The following TRPM5 variants were observed in gnomAD, a reference collection of about 807,000 sequenced individuals.
TRPM5 encodes transient receptor potential cation channel subfamily M member 5.
In TRPM5, 121 loss-of-function variants were observed where a neutral mutation model predicts 124.9. The ratio of observed to expected loss-of-function variants is 0.97; its 90% CI spans 0.84 to 1.13. TRPM5 has a LOEUF of 1.13. TRPM5 is among the 50% of genes most tolerant of loss of function. The pLI, the probability that TRPM5 is intolerant of heterozygous loss-of-function variation, is 0.00. For missense variants in TRPM5, 1,643 were observed against 1,589.1 expected (o/e 1.03, Z -0.58); for synonymous variants, 781 against 700.5 (o/e 1.11, Z -1.81).
chr11:2,434,511 A>G, the TRPM5 span, among the ~76,000 whole-genome samples: 3 of 138,842 alleles, frequency 2.2e-5, no homozygotes, highest in South Asian at 6.9e-4. Context: ...GTGTGTGTGG[A>G]TGCTGTGTCT....
At chr11:2,442,212 C>T in the TRPM5 span, among the ~76,000 whole-genome samples, 1 of 152,120 alleles carries the variant, frequency 6.6e-6, no homozygotes, top group South Asian at 2.1e-4. This position sits in a 1 kb window ranked among gnomAD's most constrained non-coding sequence, Gnocchi z 5.9. Context: ...TGACAATGAA[C>T]AATAGTAGGA....
intron 11 of TRPM5, 119 bp from the exon 17 acceptor site, chr11:2,414,325 G>A (rs992864731): frequency 9.4e-6 from 13 of 1,387,544 alleles, no homozygotes; most frequent in Admixed American, 4.7e-5. Context: ...CGTTCAACAC[G>A]CAGGGCCCAG....
chr11:2,409,872 GGC>G (rs1850409401), intron 18 of TRPM5, among the ~76,000 whole-genome samples: 1 of 152,198 alleles, frequency 6.6e-6, no homozygotes, highest in South Asian at 2.1e-4. Context: ...TCGGAGCAGG[GGC>G]CCCTCGGGAG....
At chr11:2,418,459 G>A in intron 5 of TRPM5, 68 bp downstream of exon 10, 1 of 1,558,534 alleles carries the variant, frequency 6.4e-7, no homozygotes, top group Non-Finnish European at 8.7e-7. Flanking sequence ...TGTCCCAGGG[G>A]TGCCCAGAAC....
At chr11:2,439,991 T>C in the TRPM5 span, among the ~76,000 whole-genome samples, 1 of 152,210 alleles carries the variant, frequency 6.6e-6, no homozygotes, top group African/African-American at 2.4e-5. Context: ...TGGAATACTA[T>C]GCAGCCATGA....
In TRPM5 at chr11:2,405,540, AC is replaced by A; in HGVS notation, c.3377del (p.Gly1126ValfsTer25). The A allele has an allele frequency of 1.3e-6, 2 of 1,562,030 alleles. No homozygotes were observed. The highest frequency in any genetic ancestry group is 1.7e-6 in the Non-Finnish European group (2 of 1,153,158). On this transcript the variant is annotated frameshift_variant, in exon 23 of 24. Transcript: ENST00000155858. LOFTEE classifies it low-confidence loss of function (END_TRUNC). ...AAACAGGCTTACTCCGGGGGCCGCC[AC>A]CCTGGGCCAGCACGTCAGCCACGGA...
chr11:2,426,825 T>G (rs951018292), upstream of TRPM5, among the ~76,000 whole-genome samples: 1 of 152,172 alleles, frequency 6.6e-6, no homozygotes, highest in African/African-American at 2.4e-5. Flanking sequence ...AAGTCAGCTG[T>G]GTGTCCTTGT....
At position 2,414,891 on chromosome 11, in the gene TRPM5, C is replaced by G. The variant is rs777593744; in HGVS notation, c.1620+16G>C. On this transcript the variant is annotated intron_variant, in intron 10 of 23. Coordinates refer to ENST00000155858, the Ensembl canonical transcript of TRPM5. ...CCCTCCCCTGCCCCCGCGCTGGGCC[C>G]GCGGCCTGGGCTCACCATGGCCCAG... 3.8e-6 allele frequency: 6 copies of G among 1,598,258 alleles called. No homozygotes were observed. The highest frequency in any genetic ancestry group is 1.3e-5 in the African/African-American group (1 of 74,618).
At chr11:2,420,855 C>T (rs1014804260) in intron 3 of TRPM5, among the ~76,000 whole-genome samples, 177 bp downstream of exon 8, 1 of 152,200 alleles carries the variant, frequency 6.6e-6, no homozygotes, top group South Asian at 2.1e-4. Context: ...CCACAGTCTA[C>T]GCTGGCCGTT....
intron 8 of TRPM5, 80 bp from the exon 14 acceptor site, chr11:2,415,551 G>C (rs1015869306): frequency 4.3e-5 from 43 of 994,332 alleles, no homozygotes; most frequent in Admixed American, 1.1e-4. Flanking sequence ...AGGAAGGAGA[G>C]AGCAGGGAGC....
the TRPM5 span, among the ~76,000 whole-genome samples, chr11:2,430,743 GTGT>G: frequency 2.8e-3 from 314 of 112,612 alleles, 3 homozygotes; most frequent in Middle Eastern, 0.011. Context: ...GATGGTGATG[GTGT>G]TGGTGGTGGT....
exon 20 of TRPM5, chr11:2,407,259 C>A: frequency 6.2e-7 from 1 of 1,612,240 alleles, no homozygotes; most frequent in Admixed American, 1.7e-5. Context: ...CTGGAACTTC[C>A]AGAACATGTC....
In TRPM5 at chr11:2,409,783, C is replaced by T. The variant is rs551705509; in HGVS notation, c.2782+1569G>A. Among the ~76,000 whole-genome samples the T allele has an allele frequency of 1.3e-3, 203 of 152,254 alleles. 1 individual carries two copies. Among genetic ancestry groups the T allele is most frequent in the Non-Finnish European group, 2.5e-3 (167 of 67,988 alleles). On this transcript the variant is annotated intron_variant, in intron 18 of 23. Transcript: ENST00000155858. ...AAGTCTGAGACTCTCAGTGGGCGGC[C>T]GGGGCTGGCCCTGTTGCAGGCGTTT...
chr11:2,440,405 G>A, the TRPM5 span, among the ~76,000 whole-genome samples: 3 of 152,190 alleles, frequency 2.0e-5, no homozygotes, highest in Non-Finnish European at 4.4e-5. This position sits in a 1 kb window ranked among gnomAD's most constrained non-coding sequence, Gnocchi z 5.2. Context: ...CCAGGCATAA[G>A]GATCCTCTGG....
chr11:2,442,981 T>G, the TRPM5 span, among the ~76,000 whole-genome samples: 1 of 152,266 alleles, frequency 6.6e-6, no homozygotes, highest in Non-Finnish European at 1.5e-5. The surrounding 1 kb of genome is among the most constrained non-coding windows in gnomAD (Gnocchi z 5.9). Context: ...TGATCGAAAC[T>G]GCAAATACTT....
chr11:2,415,327 T>C, exon 9 of TRPM5: 1 of 1,585,480 alleles, frequency 6.3e-7, no homozygotes, highest in Admixed American at 1.7e-5. Flanking sequence ...AGCAGGCTCT[T>C]GCGTGACACG....
intron 18 of TRPM5, among the ~76,000 whole-genome samples, chr11:2,410,477 T>C (rs1328299354): frequency 6.6e-6 from 1 of 151,902 alleles, no homozygotes; most frequent in Non-Finnish European, 1.5e-5. Context: ...GCGGCACCCC[T>C]CGAGGGCCCC....
At chr11:2,405,898 C>T (rs1314254240) in intron 22 of TRPM5, 121 bp downstream of exon 27, 13 of 942,074 alleles carry the variant, frequency 1.4e-5, no homozygotes, top group East Asian at 2.6e-5. Flanking sequence ...TGGGGTGCTC[C>T]TGTCCTGGCT....
chr11:2,412,941 C>G (rs758473826), exon 15 of TRPM5: 1 of 1,603,972 alleles, frequency 6.2e-7, no homozygotes. Flanking sequence ...TTTCCGCCAG[C>G]GTGTGAGCAG....
Sources: allele counts gnomAD v4.1 joint callset (sites outside exome capture counted in the v4.1 genomes callset), GRCh38; gene constraint gnomAD v4.1.1; non-coding constraint Gnocchi (gnomAD v3.1); transcripts MANE v1.5; gene names NCBI Gene and HGNC (gene_info 2026-07-23, HGNC 2026-07-21).